The following DLGAP2 variants were observed in gnomAD, a reference collection of about 807,000 sequenced individuals.
DLGAP2 encodes the protein disks large-associated protein 2.
DLGAP2 carries 26 observed loss-of-function variants against 100.3 expected under a neutral mutation model. That is an observed-to-expected ratio of 0.26 (90% CI 0.19 to 0.36). The LOEUF (loss-of-function observed/expected upper bound fraction) is 0.36. Ranked by LOEUF, DLGAP2 falls within the 10% of genes least tolerant of loss-of-function variation. The probability of loss-of-function intolerance (pLI) is 1.00; values close to 1 mark genes in which losing one functional copy is unlikely to be tolerated. For missense variants in DLGAP2, 1,858 were observed against 1,453.2 expected (o/e 1.28, Z -4.53); for synonymous variants, 886 against 630.1 (o/e 1.41, Z -6.08).
chr8:1,438,172 G>A (rs1158005214), intron 3 of DLGAP2, among the ~76,000 whole-genome samples: 4 of 152,114 alleles, frequency 2.6e-5, no homozygotes, highest in African/African-American at 4.8e-5. Context: ...GTGTGGTTAC[G>A]AGGGGCAACC....
At chr8:1,190,393 G>C (rs559422543) in intron 2 of DLGAP2, among the ~76,000 whole-genome samples, 1 of 152,200 alleles carries the variant, frequency 6.6e-6, no homozygotes, top group South Asian at 2.1e-4. Flanking sequence ...GCGAGAGTCA[G>C]GGTCGGGGCA....
chr8:990,084 A>C (rs1439226463), intron 2 of DLGAP2, among the ~76,000 whole-genome samples: 2 of 152,058 alleles, frequency 1.3e-5, no homozygotes, highest in Non-Finnish European at 2.9e-5. Flanking sequence ...GAATTTCATG[A>C]AAGGGGTCAT....
chr8:1,051,137 T>G (rs1246528081), intron 2 of DLGAP2, among the ~76,000 whole-genome samples: 1 of 151,880 alleles, frequency 6.6e-6, no homozygotes, highest in Non-Finnish European at 1.5e-5. Flanking sequence ...TGGCCCTGGA[T>G]GGGACAGGGC....
chr8:816,475 T>G (rs1796483176), intron 1 of DLGAP2, among the ~76,000 whole-genome samples: 3 of 152,172 alleles, frequency 2.0e-5, no homozygotes, highest in Admixed American at 2.0e-4. Context: ...TTTCCTTCAT[T>G]TACGAAGCTT....
At chr8:1,058,765 C>A (rs1165354713) in intron 2 of DLGAP2, among the ~76,000 whole-genome samples, 2 of 152,200 alleles carry the variant, frequency 1.3e-5, no homozygotes, top group East Asian at 3.9e-4. Flanking sequence ...ATCAAGTGAT[C>A]TTAAAAGTGA....
chr8:1,421,217 A>C lies in DLGAP2; in HGVS notation c.107-80149A>C, dbSNP rs78695556. ...CATAGCTCTAACATCTGAGTGTTTCATGTTGTGTGTGTGAGAGCTGCTGTA... is the reference window on the plus strand; with the variant it reads ...CATAGCTCTAACATCTGAGTGTTTCCTGTTGTGTGTGTGAGAGCTGCTGTA... On this transcript the variant is annotated intron_variant, in intron 3 of 14. Transcript: ENST00000637795. 2.8e-3 allele frequency among the ~76,000 whole-genome samples: 421 copies of C among 152,296 alleles called. 1 individual carries two copies. Among genetic ancestry groups the C allele is most frequent in the African/African-American group, 9.5e-3 (394 of 41,554 alleles).
Position 1,297,545 on chromosome 8 carries a change from G to A in DLGAP2, c.106+38662G>A, listed in dbSNP as rs534375485. 9.1e-3 allele frequency among the ~76,000 whole-genome samples: 1,185 copies of A among 130,502 alleles called. 14 individuals carry two copies. Among genetic ancestry groups the A allele is most frequent in the African/African-American group, 0.035 (1,127 of 32,078 alleles). 85.6% of individuals were successfully genotyped at this position (130,502 alleles called of 152,430 possible). A position where few individuals can be genotyped will look rare whatever the true frequency, so the allele number is the denominator to read the frequency against. On this transcript the variant is annotated intron_variant, in intron 3 of 14. Coordinates refer to ENST00000637795, the MANE Select transcript of DLGAP2 (RefSeq NM_001346810.2). ...ACCACGTGAGACAGGGAGGAGAAAC[G>A]TGGCAGGCATGAACAGACACCACGT... is the stretch of plus-strand genomic sequence containing the variant.
At chr8:1,327,357 C>A (rs559173894) in intron 3 of DLGAP2, among the ~76,000 whole-genome samples, 10 of 152,164 alleles carry the variant, frequency 6.6e-5, no homozygotes, top group African/African-American at 2.4e-4. Flanking sequence ...TGTAAAAGGT[C>A]ATTAGTCTCT....
chr8:1,439,921 G>C (rs1797779023), intron 3 of DLGAP2, among the ~76,000 whole-genome samples: 1 of 152,152 alleles, frequency 6.6e-6, no homozygotes, highest in African/African-American at 2.4e-5. Context: ...GACAATGACA[G>C]TGAACGGAGT....
chr8:1,224,247 G>C (rs946481757), intron 2 of DLGAP2, among the ~76,000 whole-genome samples: 1 of 152,136 alleles, frequency 6.6e-6, no homozygotes, highest in Non-Finnish European at 1.5e-5. Context: ...TGTGGGTCAG[G>C]AAGAGGGAAT....
At chr8:1,266,179 T>C (rs1404703335) in intron 3 of DLGAP2, among the ~76,000 whole-genome samples, 1 of 152,238 alleles carries the variant, frequency 6.6e-6, no homozygotes, top group Non-Finnish European at 1.5e-5. Context: ...ACAGGGACGC[T>C]GTCTACTATC....
At chr8:1,413,449 C>T (rs1442936593) in intron 3 of DLGAP2, among the ~76,000 whole-genome samples, 1 of 152,068 alleles carries the variant, frequency 6.6e-6, no homozygotes, top group East Asian at 1.9e-4. Flanking sequence ...AATTTAAGGG[C>T]AAGCAAAAGT....
At position 1,436,151 on chromosome 8, in the gene DLGAP2, A is replaced by G. The variant is rs1465609874; in HGVS notation, c.107-65215A>G. ...CACAACCACAAGGTGAACTCCCACC[A>G]CAAGCCGTCTGCAAGCTGAGGAACC... On this transcript the variant is annotated intron_variant, in intron 3 of 14. Transcript: ENST00000637795. Among the ~76,000 whole-genome samples the G allele has an allele frequency of 5.9e-5, 9 of 152,214 alleles. No homozygotes were observed. In the South Asian group the frequency reaches 1.2e-3, roughly 21 times the overall value.
chr8:1,163,296 C>G (rs1054891807), intron 2 of DLGAP2, among the ~76,000 whole-genome samples: 1 of 152,222 alleles, frequency 6.6e-6, no homozygotes, highest in Admixed American at 6.5e-5. Flanking sequence ...CCAGACGGGA[C>G]CACGCGGGCT....
intron 2 of DLGAP2, among the ~76,000 whole-genome samples, chr8:951,396 C>T (rs994443616): frequency 6.6e-6 from 1 of 152,070 alleles, no homozygotes. Context: ...AGGCACCTGC[C>T]ACCACACCTG....
intron 3 of DLGAP2, among the ~76,000 whole-genome samples, chr8:1,430,723 T>C (rs1379229929): frequency 6.6e-6 from 1 of 152,234 alleles, no homozygotes; most frequent in Admixed American, 6.5e-5. Flanking sequence ...CTATCACAGT[T>C]TTCTTCCACT....
intron 6 of DLGAP2, among the ~76,000 whole-genome samples, chr8:1,605,355 C>T (rs1796762707): frequency 6.6e-6 from 1 of 152,156 alleles, no homozygotes; most frequent in Non-Finnish European, 1.5e-5. Context: ...AGTGATACAG[C>T]AGGGCTCTCA....
chr8:1,552,371 C>T (rs1801799592), intron 5 of DLGAP2, among the ~76,000 whole-genome samples: 1 of 152,220 alleles, frequency 6.6e-6, no homozygotes, highest in Admixed American at 6.5e-5. Context: ...GGGCATGCAG[C>T]TCGGTGACTT....
intron 2 of DLGAP2, among the ~76,000 whole-genome samples, chr8:1,063,393 G>A (rs751048078): frequency 6.6e-6 from 1 of 152,144 alleles, no homozygotes; most frequent in Non-Finnish European, 1.5e-5. Context: ...GGGTTGTACC[G>A]TCCACAAAGG....
Sources: allele counts gnomAD v4.1 joint callset (sites outside exome capture counted in the v4.1 genomes callset), GRCh38; gene constraint gnomAD v4.1.1; transcripts MANE v1.5; gene names NCBI Gene and HGNC (gene_info 2026-07-23, HGNC 2026-07-21).